Variants in GOLGA4 observed in about 807,000 individuals in gnomAD.
GOLGA4 encodes the protein golgin subfamily A member 4.
GOLGA4 carries 169 observed loss-of-function variants against 265.9 expected under a neutral mutation model. The ratio of observed to expected loss-of-function variants is 0.64; its 90% CI spans 0.56 to 0.72. The LOEUF is 0.72. GOLGA4 is among the 30% of genes least tolerant of loss of function. The pLI is 0.00. For missense variants in GOLGA4, 2,482 were observed against 2,483.4 expected (o/e 1.00, Z 0.01); for synonymous variants, 923 against 855.8 (o/e 1.08, Z -1.37).
chr3:37,255,286 C>G (rs1330908673), intron 2 of GOLGA4, among the ~76,000 whole-genome samples: 1 of 152,106 alleles, frequency 6.6e-6, no homozygotes, highest in Non-Finnish European at 1.5e-5. Context: ...CTCAACCTCC[C>G]GAGTAACTGG....
rs1281035493 is a variant in GOLGA4, at chr3:37,326,250, A to G, written c.4364A>G (p.Gln1455Arg). The G allele has an allele frequency of 1.9e-6, 3 of 1,613,808 alleles. No homozygotes were observed. The highest frequency in any genetic ancestry group is 1.7e-5 in the Admixed American group (1 of 60,016). ...WKKKAQSRFT[Q>R]HQNTVKELQI... is the part of the protein sequence containing the mutation. ...AAGAAAGCACAGTCAAGATTTACAC[A>G]GCATCAAAACACTGTTAAAGAATTG... The change falls in exon 14 of 24, where the codon CAG becomes CGG. Residue 1455 changes from glutamine (Q) to arginine (R), a missense_variant. Coordinates refer to ENST00000361924, the MANE Select transcript of GOLGA4 (RefSeq NM_002078.5).
chr3:37,262,463 T>A (rs1437238386), intron 2 of GOLGA4, among the ~76,000 whole-genome samples: 1 of 151,672 alleles, frequency 6.6e-6, no homozygotes, highest in Admixed American at 6.6e-5. Flanking sequence ...TGAGCTGAGA[T>A]GGCACCACTT....
At chr3:37,306,138 G>A (rs921622663) in intron 10 of GOLGA4, among the ~76,000 whole-genome samples, 1 of 152,204 alleles carries the variant, frequency 6.6e-6, no homozygotes, top group Non-Finnish European at 1.5e-5. Flanking sequence ...TCAGGATGGT[G>A]TATCAACCTG....
At chr3:37,251,625 CT>C (rs112817114) in intron 2 of GOLGA4, 141 bp downstream of exon 2, 173,202 of 471,152 alleles carry the variant, frequency 0.37, 9,889 homozygotes, top group Non-Finnish European at 0.39. Context: ...CACAATTGGT[CT>C]TTTTTTTTTT....
rs761429835 is a variant in GOLGA4, at chr3:37,335,176, G to GT, written c.6306+13dup. ...CCCTGGCAATGATAATGTGAGAGGA[G>GT]TTTGAGTTTGCTGCACATGTTTCTT... On this transcript the variant is annotated intron_variant, in intron 17 of 23. Coordinates refer to ENST00000361924, the MANE Select transcript of GOLGA4 (RefSeq NM_002078.5). 7.2e-7 allele frequency: 1 copy of GT among 1,396,280 alleles called. No homozygotes were observed. Among genetic ancestry groups the GT allele is most frequent in the South Asian group, 1.2e-5 (1 of 83,772 alleles). 86.5% of individuals were successfully genotyped at this position (1,396,280 alleles called of 1,614,324 possible).
In GOLGA4 at chr3:37,282,254, C is replaced by T. The variant is rs2096836837; in HGVS notation, c.459C>T (p.Tyr153=). 1 of 1,613,746 alleles carries T rather than the reference C, an allele frequency of 6.2e-7. No individual in the cohort carries two copies. Among genetic ancestry groups the T allele is most frequent in the Admixed American group, 1.7e-5 (1 of 60,020 alleles). The part of the protein sequence containing the change: ...LRRMERSLSS[Y]RGKYSELVTA... Reference sequence around the variant, plus strand: ...GAATGGAACGAAGCTTAAGTAGCTACAGGGGAAAATATTCTGAGGTAGGAG... The same window carrying T: ...GAATGGAACGAAGCTTAAGTAGCTATAGGGGAAAATATTCTGAGGTAGGAG... Residue 153 remains tyrosine, a synonymous_variant, in exon 3 of 24, where the codon TAC becomes TAT. Coordinates refer to ENST00000361924, the MANE Select transcript of GOLGA4 (RefSeq NM_002078.5).
At chr3:37,267,605 C>G (rs1421524629) in intron 2 of GOLGA4, among the ~76,000 whole-genome samples, 1 of 152,036 alleles carries the variant, frequency 6.6e-6, no homozygotes, top group Non-Finnish European at 1.5e-5. Context: ...AGATGTTTGT[C>G]CAGTAAGGAT....
Position 37,327,317 on chromosome 3 carries a change from ATAG to A in GOLGA4, c.5435_5437del (p.Val1812del). On this transcript the variant is annotated inframe_deletion, in exon 14 of 24. Transcript: ENST00000361924. Reference sequence around the variant, plus strand: ...AGAAAAAAACAAGAAATATTCCTTGATAGTAGCCCAGCATGTGGAAAAAGAAGG... The same window carrying A: ...AGAAAAAAACAAGAAATATTCCTTGATAGCCCAGCATGTGGAAAAAGAAGG... The A allele has an allele frequency of 6.2e-7, 1 of 1,613,880 alleles. No homozygotes were observed. The highest frequency in any genetic ancestry group is 1.1e-5 in the South Asian group (1 of 91,050).
chr3:37,321,943 T>C, intron 13 of GOLGA4, 57 bp downstream of exon 13: 3 of 1,398,108 alleles, frequency 2.1e-6, no homozygotes, highest in Non-Finnish European at 3.0e-6. Context: ...ATATGAAAAT[T>C]TGTTGTCTCT....
chr3:37,324,316 A>C lies in GOLGA4; in HGVS notation c.2430A>C (p.Thr810=), dbSNP rs1359664136. The stretch of plus-strand genomic sequence containing the variant: ...TTTTTCAGTCTTACCAGAGTGCCAC[A>C]CATGAGCAGACAAAAGCATATGAGG... ...LDVFQSYQSA[T]HEQTKAYEEQ... is the part of the protein sequence containing the mutation. The change falls in exon 14 of 24, where the codon ACA becomes ACC. Residue 810 remains threonine, a synonymous_variant. Transcript: ENST00000361924. The C allele has an allele frequency of 6.2e-7, 1 of 1,614,232 alleles. No individual in the cohort carries two copies. The highest frequency in any genetic ancestry group is 8.5e-7 in the Non-Finnish European group (1 of 1,180,030).
Position 37,243,395 on chromosome 3 carries a change from T to A in GOLGA4, c.-156T>A. The A allele has an allele frequency of 1.5e-6, 1 of 653,832 alleles. No individual in the cohort carries two copies. The highest frequency in any genetic ancestry group is 2.8e-6 in the Non-Finnish European group (1 of 362,674). 40.5% of individuals were successfully genotyped at this position (653,832 alleles called of 1,614,324 possible). The stretch of plus-strand genomic sequence containing the variant: ...GCGACGCCGACACCCTCAGGACGAG[T>A]GTCCGGACTTGCCCACAGCCTCAAG... On this transcript the variant is annotated 5_prime_UTR_variant, in exon 1 of 24. Transcript: ENST00000361924.
intron 21 of GOLGA4, among the ~76,000 whole-genome samples, chr3:37,347,500 A>G (rs953268014): frequency 6.6e-6 from 1 of 152,190 alleles, no homozygotes; most frequent in Non-Finnish European, 1.5e-5. Context: ...ATAAAACATT[A>G]ATTTTGAAAA....
chr3:37,337,119 T>C, intron 17 of GOLGA4, 24 bp from the exon 18 acceptor site: 2 of 1,357,854 alleles, frequency 1.5e-6, no homozygotes, highest in East Asian at 2.3e-5. Flanking sequence ...TATACACTCA[T>C]GTTTTTTCTT....
intron 8 of GOLGA4, 102 bp from the exon 9 acceptor site, chr3:37,299,184 TCC>T: frequency 1.1e-6 from 1 of 934,776 alleles, no homozygotes. Flanking sequence ...TGTACTTTTT[TCC>T]TTCTGCACTG....
chr3:37,258,010 CATATATATATGT>C (rs1388151283), intron 2 of GOLGA4, among the ~76,000 whole-genome samples: 2 of 59,652 alleles, frequency 3.4e-5, no homozygotes, highest in Admixed American at 1.8e-4. Context: ...TATATACATA[CATATATATATGT>C]ATGTATATAT....
At chr3:37,320,786 G>A (rs939960592) in intron 12 of GOLGA4, among the ~76,000 whole-genome samples, 1 of 151,908 alleles carries the variant, frequency 6.6e-6, no homozygotes, top group Non-Finnish European at 1.5e-5. Context: ...CACATGCGTG[G>A]GTACCTGTGC....
intron 19 of GOLGA4, among the ~76,000 whole-genome samples, chr3:37,338,156 C>T (rs1045410009): frequency 3.3e-5 from 5 of 152,054 alleles, no homozygotes; most frequent in Non-Finnish European, 5.9e-5. Flanking sequence ...GTGTGTACAC[C>T]TTCAAGGATG....
intron 10 of GOLGA4, among the ~76,000 whole-genome samples, chr3:37,304,207 G>T (rs148685521): frequency 1.3e-5 from 2 of 152,288 alleles, no homozygotes; most frequent in Admixed American, 6.5e-5. Context: ...CTTGAATTTG[G>T]CAAGGATTTG....
At chr3:37,353,983 A>T (rs2097082979) in intron 21 of GOLGA4, among the ~76,000 whole-genome samples, 1 of 152,026 alleles carries the variant, frequency 6.6e-6, no homozygotes, top group Non-Finnish European at 1.5e-5. Context: ...GGGATTTGTG[A>T]GTGGGGAGCA....
Sources: allele counts gnomAD v4.1 joint callset (sites outside exome capture counted in the v4.1 genomes callset), GRCh38; gene constraint gnomAD v4.1.1; transcripts MANE v1.5; gene names NCBI Gene and HGNC (gene_info 2026-07-23, HGNC 2026-07-21).